The following RBFOX1 variants were observed in gnomAD, a reference collection of about 807,000 sequenced individuals.
The protein encoded by RBFOX1 is RNA binding fox-1 homolog 1.
RBFOX1 carries 8 observed loss-of-function variants against 57.7 expected under a neutral mutation model. The observed-to-expected ratio is 0.14, with a 90% CI of 0.08 to 0.25. RBFOX1 has a LOEUF of 0.25. Ranked by LOEUF, RBFOX1 falls within the 10% of genes least tolerant of loss-of-function variation. The probability of loss-of-function intolerance (pLI) is 1.00; values close to 1 mark genes in which losing one functional copy is unlikely to be tolerated. For missense variants in RBFOX1, 611 were observed against 548.5 expected, an observed-to-expected ratio of 1.11 and a Z score of -1.14; for synonymous variants, 326 against 222.4, an observed-to-expected ratio of 1.47 and a Z score of -4.15.
At chr16:5,711,430 G>C (rs1046278618) in intron 3 of RBFOX1, among the ~76,000 whole-genome samples, 1 of 152,182 alleles carries the variant, frequency 6.6e-6, no homozygotes, top group African/African-American at 2.4e-5. Context: ...CCTTTCAGCT[G>C]AGAAAATACA....
intron 1 of RBFOX1, among the ~76,000 whole-genome samples, chr16:5,259,041 A>G (rs558782414): frequency 6.6e-6 from 1 of 152,152 alleles, no homozygotes; most frequent in South Asian, 2.1e-4. Flanking sequence ...CGCAGGTTCA[A>G]GCATTCCCAG....
At chr16:6,899,663 A>G (rs1802245508) in intron 3 of RBFOX1, among the ~76,000 whole-genome samples, 1 of 152,364 alleles carries the variant, frequency 6.6e-6, no homozygotes, top group Admixed American at 6.5e-5. Context: ...TACCTCCTCA[A>G]GCAAGTGTCA....
chr16:6,156,281 C>A (rs2096837808), intron 1 of RBFOX1, among the ~76,000 whole-genome samples: 1 of 152,232 alleles, frequency 6.6e-6, no homozygotes, highest in African/African-American at 2.4e-5. Flanking sequence ...CTGCTTCCCC[C>A]ACAGCTAATG....
At chr16:6,741,107 A>G (rs1290490832) in intron 3 of RBFOX1, among the ~76,000 whole-genome samples, 4 of 152,174 alleles carry the variant, frequency 2.6e-5, no homozygotes, top group Admixed American at 2.0e-4. Context: ...ATGCAAAAGC[A>G]ATTTAATGGG....
intron 3 of RBFOX1, among the ~76,000 whole-genome samples, chr16:5,642,912 T>A (rs1207298983): frequency 6.6e-6 from 1 of 152,150 alleles, no homozygotes; most frequent in African/African-American, 2.4e-5. Context: ...CTTGCCTTTC[T>A]CACCTGTCAA....
chr16:6,050,777 T>G (rs1382031225), intron 1 of RBFOX1, among the ~76,000 whole-genome samples: 1 of 152,040 alleles, frequency 6.6e-6, no homozygotes, highest in Non-Finnish European at 1.5e-5. Flanking sequence ...GAAAAATGCT[T>G]GATTTTCTCT....
chr16:5,691,130 A>G (rs1313808418), intron 3 of RBFOX1, among the ~76,000 whole-genome samples: 1 of 152,270 alleles, frequency 6.6e-6, no homozygotes, highest in East Asian at 1.9e-4. Context: ...ATGCTTAGAG[A>G]TAGTTGTTAA....
At chr16:7,686,992 G>A (rs187280783) in intron 14 of RBFOX1, among the ~76,000 whole-genome samples, 24 of 152,150 alleles carry the variant, frequency 1.6e-4, no homozygotes, top group African/African-American at 5.5e-4. Context: ...TTCTGTTTAA[G>A]CTTCTTTACG....
chr16:5,731,681 C>T (rs982123513), intron 3 of RBFOX1, among the ~76,000 whole-genome samples: 2 of 152,110 alleles, frequency 1.3e-5, no homozygotes, highest in Admixed American at 6.5e-5. Flanking sequence ...AGTCAGAAAT[C>T]CCCCCTGGAT....
At chr16:6,944,437 C>A (rs900666254) in intron 3 of RBFOX1, among the ~76,000 whole-genome samples, 1 of 151,574 alleles carries the variant, frequency 6.6e-6, no homozygotes, top group Admixed American at 6.6e-5. Context: ...AAAAAGAAGA[C>A]CACACCCTTG....
At chr16:5,393,272 A>G (rs1321986818) in intron 1 of RBFOX1, among the ~76,000 whole-genome samples, 1 of 152,128 alleles carries the variant, frequency 6.6e-6, no homozygotes, top group African/African-American at 2.4e-5. Flanking sequence ...GAGCTCCACA[A>G]TTAGTCATTC....
chr16:6,880,579 G>GT lies in RBFOX1; in HGVS notation c.-15-171473dup, dbSNP rs558333144. On this transcript the variant is annotated intron_variant, in intron 3 of 15. Transcript: ENST00000550418. ...GTGAACTCGGAGAAGGCCAGAATCT[G>GT]TTTTTCTTTCTGGACTGTCTGAAAT... Among the ~76,000 whole-genome samples the GT allele has an allele frequency of 4.2e-4, 64 of 152,140 alleles. 1 individual carries two copies. The highest frequency in any genetic ancestry group is 8.4e-4 in the Non-Finnish European group (57 of 68,026).
intron 3 of RBFOX1, among the ~76,000 whole-genome samples, chr16:5,637,919 C>A (rs940693683): frequency 6.6e-6 from 1 of 152,174 alleles, no homozygotes. Flanking sequence ...TGGCCAAGCA[C>A]CAAGCCTTCT....
chr16:5,633,000 A>T (rs947376609), intron 3 of RBFOX1, among the ~76,000 whole-genome samples: 3 of 132,814 alleles, frequency 2.3e-5, no homozygotes, highest in South Asian at 2.3e-4. Flanking sequence ...ATGCAGTGTT[A>T]TGATCTCAGC....
chr16:6,534,729 G>C (rs1040199443), intron 2 of RBFOX1, among the ~76,000 whole-genome samples: 2 of 152,154 alleles, frequency 1.3e-5, no homozygotes, highest in African/African-American at 4.8e-5. Context: ...AGAATGCAAA[G>C]AGGGAGAAGG....
chr16:5,933,477 A>G (rs543976806), intron 4 of RBFOX1, among the ~76,000 whole-genome samples: 10 of 152,152 alleles, frequency 6.6e-5, no homozygotes, highest in Admixed American at 6.5e-5. Context: ...GATCACAGGG[A>G]CCGTCAGGGT....
intron 1 of RBFOX1, among the ~76,000 whole-genome samples, chr16:6,253,786 C>G (rs2097642853): frequency 6.6e-6 from 1 of 151,892 alleles, no homozygotes; most frequent in African/African-American, 2.4e-5. Flanking sequence ...CTGTCTTTCT[C>G]TTTCTTCTGA....
intron 2 of RBFOX1, among the ~76,000 whole-genome samples, chr16:6,363,182 A>G (rs2088916264): frequency 2.0e-5 from 3 of 152,246 alleles, no homozygotes; most frequent in Admixed American, 1.3e-4. Context: ...TATTGAAAAT[A>G]TAGAAACTGT....
intron 3 of RBFOX1, among the ~76,000 whole-genome samples, chr16:5,767,962 A>G (rs1212389627): frequency 1.3e-5 from 2 of 152,090 alleles, no homozygotes; most frequent in Non-Finnish European, 2.9e-5. Flanking sequence ...AAATGTATAT[A>G]TTTTTCAGTT....
Sources: allele counts gnomAD v4.1 joint callset (sites outside exome capture counted in the v4.1 genomes callset), GRCh38; gene constraint gnomAD v4.1.1; transcripts MANE v1.5; gene names NCBI Gene and HGNC (gene_info 2026-07-23, HGNC 2026-07-21).